The following PCDHA5 variants were observed in gnomAD, a reference collection of about 807,000 sequenced individuals.
PCDHA5 encodes the protein protocadherin alpha 5, also known as protocadherin alpha-5.
Under a neutral mutation model 61.6 loss-of-function variants are expected in PCDHA5, and 43 were observed. The observed-to-expected ratio is 0.70, with a 90% CI of 0.55 to 0.90. The LOEUF is 0.90. Among genes scored for constraint, PCDHA5 ranks in the 40% least tolerant of loss-of-function variants. The pLI is 0.00. For missense variants in PCDHA5, 1,298 were observed against 1,222.7 expected, an observed-to-expected ratio of 1.06 and a Z score of -0.92; for synonymous variants, 627 against 543.9, an observed-to-expected ratio of 1.15 and a Z score of -2.13.
chr5:140,918,003 T>A (rs1223893662), intron 1 of PCDHA5, among the ~76,000 whole-genome samples: 1 of 152,216 alleles, frequency 6.6e-6, no homozygotes, highest in African/African-American at 2.4e-5. Flanking sequence ...ATCTTAACAA[T>A]GTTGTTTCTT....
chr5:140,991,413 A>G (rs2097451025), intron 3 of PCDHA5, among the ~76,000 whole-genome samples: 1 of 152,228 alleles, frequency 6.6e-6, no homozygotes, highest in South Asian at 2.1e-4. Context: ...CCATTATGCT[A>G]TAACAAATTA....
chr5:140,981,726 T>C (rs1554243283), intron 2 of PCDHA5, among the ~76,000 whole-genome samples: 1 of 151,710 alleles, frequency 6.6e-6, no homozygotes, highest in Non-Finnish European at 1.5e-5. Context: ...CCAACAAATA[T>C]TTGAGAGATT....
intron 1 of PCDHA5, chr5:140,871,646 A>G: frequency 7.8e-7 from 1 of 1,275,646 alleles, no homozygotes; most frequent in Non-Finnish European, 1.1e-6. Flanking sequence ...TAAAATACCA[A>G]ATGATACACA....
intron 1 of PCDHA5, among the ~76,000 whole-genome samples, chr5:140,971,500 T>C (rs2096483313): frequency 1.3e-5 from 2 of 152,136 alleles, no homozygotes; most frequent in Admixed American, 1.3e-4. Context: ...TGTGGCAAGA[T>C]AGGAGCAAAA....
At chr5:140,927,925 C>G in intron 1 of PCDHA5, 4 of 1,614,214 alleles carry the variant, frequency 2.5e-6, no homozygotes, top group Non-Finnish European at 8.5e-7. Flanking sequence ...CTTCCTGACT[C>G]TTTCGAACCC....
At chr5:140,851,411 A>T in intron 1 of PCDHA5, 1 of 962,208 alleles carries the variant, frequency 1.0e-6, no homozygotes, top group Non-Finnish European at 1.3e-6. Flanking sequence ...ATAAGAAAGA[A>T]ACTTCCCCTA....
chr5:140,869,320 G>A, intron 1 of PCDHA5: 1 of 1,613,846 alleles, frequency 6.2e-7, no homozygotes, highest in Non-Finnish European at 8.5e-7. Flanking sequence ...AACACATGGG[G>A]ACCTTCTGGA....
Position 140,993,501 on chromosome 5 carries a change from C to CAT in PCDHA5, c.2500+10939_2500+10940insTA, listed in dbSNP as rs1159844142. Among the ~76,000 whole-genome samples the CAT allele has an allele frequency of 9.9e-4, 148 of 149,100 alleles. 5 individuals carry two copies. In the East Asian group the frequency reaches 0.024, roughly 24 times the overall value. On this transcript the variant is annotated intron_variant, in intron 3 of 3. Transcript: ENST00000529859. ...ACACACACACACACACACACACACA[C>CAT]ACACACACGGGGAGAGAGAGACAGA...
chr5:140,845,775 A>G (rs1469360011), intron 1 of PCDHA5, among the ~76,000 whole-genome samples: 1 of 149,718 alleles, frequency 6.7e-6, no homozygotes, highest in Non-Finnish European at 1.5e-5. Context: ...ATAGTTATAA[A>G]TTATTAATAA....
chr5:140,848,874 A>G (rs2040648635), intron 1 of PCDHA5: 2 of 1,590,884 alleles, frequency 1.3e-6, no homozygotes, highest in East Asian at 2.2e-5. Flanking sequence ...GAAGGACATT[A>G]ACGACAACCC....
chr5:140,882,928 C>G (rs1554176132), intron 1 of PCDHA5: 1 of 1,614,140 alleles, frequency 6.2e-7, no homozygotes, highest in South Asian at 1.1e-5. Flanking sequence ...GAGGTAAACC[C>G]GAGCTGACTG....
In PCDHA5 at chr5:140,855,898, G is replaced by C; in HGVS notation, c.2352+31771G>C. On this transcript the variant is annotated intron_variant, in intron 1 of 3. Transcript: ENST00000529859. ...ATAGCTTTTTAGAACAAAGGCATCA[G>C]CCAGTTTCTCAAGGACTAGGAAGTA... is the stretch of plus-strand genomic sequence containing the variant. 1.9e-6 allele frequency: 2 copies of C among 1,070,112 alleles called. 1 individual carries two copies. The highest frequency in any genetic ancestry group is 2.7e-6 in the Non-Finnish European group (2 of 750,306). The allele number at this position is 1,070,112 out of a possible 1,614,324, so 66.3% of individuals were successfully genotyped here.
At chr5:140,853,468 T>C in intron 1 of PCDHA5, 2 of 970,862 alleles carry the variant, frequency 2.1e-6, no homozygotes, top group African/African-American at 1.8e-5. Context: ...TATGCATCTG[T>C]AGTTAACATT....
chr5:141,006,206 A>AT (rs1178693799), intron 3 of PCDHA5, among the ~76,000 whole-genome samples: 16 of 147,954 alleles, frequency 1.1e-4, no homozygotes, highest in East Asian at 5.9e-4. Context: ...GTTATGCCTC[A>AT]TTTTTTTTTA....
chr5:140,966,788 C>A, intron 1 of PCDHA5: 1 of 1,527,436 alleles, frequency 6.5e-7, no homozygotes, highest in African/African-American at 1.4e-5. Flanking sequence ...GGGCACCAGA[C>A]CTGCGGCGAC....
intron 1 of PCDHA5, among the ~76,000 whole-genome samples, chr5:140,826,810 A>G (rs967929234): frequency 6.6e-6 from 1 of 152,172 alleles, no homozygotes; most frequent in African/African-American, 2.4e-5. Flanking sequence ...CTAACATGTG[A>G]TTACATATTA....
At chr5:140,834,515 C>T in intron 1 of PCDHA5, 1 of 1,614,100 alleles carries the variant, frequency 6.2e-7, no homozygotes, top group East Asian at 2.2e-5. Context: ...ATGGCAACTT[C>T]GTGGGCCGCA....
intron 1 of PCDHA5, among the ~76,000 whole-genome samples, chr5:140,941,193 T>TC (rs1554213826): frequency 4.3e-5 from 5 of 116,722 alleles, no homozygotes; most frequent in African/African-American, 1.7e-4. Flanking sequence ...TTCTTTTTTT[T>TC]TCTTTCTTCC....
chr5:140,869,373 C>T (rs782224697), intron 1 of PCDHA5: 5 of 1,613,984 alleles, frequency 3.1e-6, no homozygotes, highest in African/African-American at 2.7e-5. Flanking sequence ...ATTCTCGGAT[C>T]GACCGCGAGG....
Sources: gnomAD v4.1 joint callset for allele counts (sites outside exome capture counted in the v4.1 genomes callset) on GRCh38, gnomAD v4.1.1 for gene constraint, MANE v1.5 for transcripts, NCBI Gene and HGNC (gene_info 2026-07-23, HGNC 2026-07-21) for gene names.